The following AMPH variants were observed in gnomAD, a reference collection of about 807,000 sequenced individuals.
AMPH encodes the protein amphiphysin.
Under a neutral mutation model 99.1 loss-of-function variants are expected in AMPH, and 49 were observed. The ratio of observed to expected loss-of-function variants is 0.49; its 90% CI spans 0.39 to 0.63. The LOEUF is 0.63. Ranked by LOEUF, AMPH falls within the 20% of genes least tolerant of loss-of-function variation. The probability of loss-of-function intolerance (pLI) is 0.00; values close to 1 mark genes in which losing one functional copy is unlikely to be tolerated. For synonymous variants in AMPH, 314 were observed against 317.3 expected (o/e 0.99, Z 0.11); for missense variants, 759 against 863.4 (o/e 0.88, Z 1.52).
intron 2 of AMPH, among the ~76,000 whole-genome samples, chr7:38,506,724 G>A (rs1436159567): frequency 6.6e-6 from 1 of 152,138 alleles, no homozygotes; most frequent in Non-Finnish European, 1.5e-5. Context: ...AATTTATTGA[G>A]GTGAAGGGAA....
chr7:38,501,766 C>CAAATAAAT lies in AMPH; in HGVS notation c.205+1876_205+1883dup, dbSNP rs3056240. Reference sequence around the variant, plus strand: ...GAAACTGGTATGTTAAAAAGCATACCAAATAAATAAATAAATAAATAAATA... The same window carrying CAAATAAAT: ...GAAACTGGTATGTTAAAAAGCATACCAAATAAATAAATAAATAAATAAATAAATAAATA... On this transcript the variant is annotated intron_variant, in intron 3 of 20. Transcript: ENST00000356264. Among the ~76,000 whole-genome samples the CAAATAAAT allele has an allele frequency of 1.1e-3, 163 of 148,170 alleles. 1 individual carries two copies. The highest frequency in any genetic ancestry group is 3.5e-3 in the Middle Eastern group (1 of 288).
chr7:38,448,874 T>G (rs1414373867), intron 11 of AMPH, among the ~76,000 whole-genome samples: 2 of 152,352 alleles, frequency 1.3e-5, no homozygotes, highest in East Asian at 3.9e-4. Context: ...GTTTTCCTAC[T>G]TTGTTTTGTT....
intron 5 of AMPH, 27 bp from the exon 6 acceptor site, chr7:38,476,996 G>A (rs753314601): frequency 6.2e-7 from 1 of 1,601,484 alleles, no homozygotes; most frequent in South Asian, 1.1e-5. Flanking sequence ...CACTCACTAA[G>A]AAAGAAGCAT....
chr7:38,623,225 A>C (rs1794131187), intron 1 of AMPH, among the ~76,000 whole-genome samples: 2 of 152,228 alleles, frequency 1.3e-5, no homozygotes, highest in Admixed American at 1.3e-4. Context: ...TTGTTTATAC[A>C]AATATCTCAG....
At position 38,394,078 on chromosome 7, in the gene AMPH, A is replaced by G; in HGVS notation, c.1535T>C (p.Ile512Thr). The change falls in exon 18 of 21, where the codon ATT (isoleucine) becomes ACT (threonine). Residue 512 changes from isoleucine to threonine, a missense_variant. Around this residue, in one of 2 missense-constraint regions of AMPH, gnomAD observed 554 missense variants for 575.6 expected, o/e 0.96. Transcript: ENST00000356264. ...TGCACCCTCAGTGGTTTCAGTTCCAATTTTGGCCTCCTCTAAACTTACTCC... is the reference window on the plus strand; with the variant it reads ...TGCACCCTCAGTGGTTTCAGTTCCAGTTTTGGCCTCCTCTAAACTTACTCC... ...GEGVSLEEAKIGTETTEGAES... is the reference protein window; with the variant it reads ...GEGVSLEEAKTGTETTEGAES... The G allele has an allele frequency of 2.5e-6, 4 of 1,614,002 alleles. No individual in the cohort carries two copies. Among genetic ancestry groups the G allele is most frequent in the Admixed American group, 1.7e-5 (1 of 60,016 alleles).
chr7:38,616,512 G>A (rs1487784634), intron 1 of AMPH, among the ~76,000 whole-genome samples: 1 of 152,110 alleles, frequency 6.6e-6, no homozygotes, highest in Non-Finnish European at 1.5e-5. Flanking sequence ...TAAATAAGTG[G>A]TTTTTTCTAC....
chr7:38,401,438 T>A (rs1306125959), intron 17 of AMPH, among the ~76,000 whole-genome samples: 12 of 152,204 alleles, frequency 7.9e-5, no homozygotes, highest in Admixed American at 5.9e-4. Flanking sequence ...TTGATTTGAG[T>A]CATCTTCCAG....
chr7:38,552,700 A>T (rs1791221476), intron 1 of AMPH, among the ~76,000 whole-genome samples: 1 of 152,160 alleles, frequency 6.6e-6, no homozygotes, highest in Non-Finnish European at 1.5e-5. Flanking sequence ...TCCCTATGTA[A>T]ATAATTCAAT....
intron 13 of AMPH, among the ~76,000 whole-genome samples, chr7:38,430,709 C>T (rs1785980743): frequency 6.6e-6 from 1 of 152,172 alleles, no homozygotes; most frequent in African/African-American, 2.4e-5. Context: ...AACATCAATC[C>T]ATGCATGCCT....
rs151149661 is a variant in AMPH, at chr7:38,554,520, G to T, written c.70-19509C>A. Among the ~76,000 whole-genome samples, 533 of 152,134 alleles carry T rather than the reference G, an allele frequency of 3.5e-3. 2 individuals are homozygous for T. The highest frequency in any genetic ancestry group is 6.5e-3 in the Non-Finnish European group (445 of 68,002). On this transcript the variant is annotated intron_variant, in intron 1 of 20. Coordinates refer to ENST00000356264, the MANE Select transcript of AMPH (RefSeq NM_001635.4). Reference sequence around the variant, plus strand: ...AAATCAAAGATATGCCCAAAGATAAGACTACAAGAATGTTCATTATAAATA... The same window carrying T: ...AAATCAAAGATATGCCCAAAGATAATACTACAAGAATGTTCATTATAAATA...
intron 1 of AMPH, among the ~76,000 whole-genome samples, chr7:38,540,692 C>CAAA (rs373768495): frequency 0.2 from 4,035 of 19,724 alleles, 1,903 homozygotes; most frequent in Non-Finnish European, 0.26. Flanking sequence ...TGACCCCAAG[C>CAAA]AAAAAAAAAA....
intron 20 of AMPH, among the ~76,000 whole-genome samples, chr7:38,387,144 T>C (rs982089137): frequency 3.0e-5 from 4 of 132,490 alleles, no homozygotes; most frequent in African/African-American, 1.0e-4. Flanking sequence ...ATATGTCTGC[T>C]AAAACAAAAA....
intron 1 of AMPH, among the ~76,000 whole-genome samples, chr7:38,569,256 A>G (rs1791855088): frequency 6.6e-6 from 1 of 151,810 alleles, no homozygotes; most frequent in African/African-American, 2.4e-5. Flanking sequence ...ATCTTTTTCT[A>G]CTGTTTAAAA....
intron 1 of AMPH, among the ~76,000 whole-genome samples, chr7:38,613,048 T>A (rs779719820): frequency 6.6e-5 from 10 of 152,022 alleles, no homozygotes; most frequent in Non-Finnish European, 1.2e-4. Flanking sequence ...AACTGCAACC[T>A]TAAAAAAAAA....
intron 7 of AMPH, among the ~76,000 whole-genome samples, chr7:38,471,184 A>T (rs961958615): frequency 6.6e-6 from 1 of 152,142 alleles, no homozygotes; most frequent in Non-Finnish European, 1.5e-5. Flanking sequence ...TATCACTCTG[A>T]CCCTGAGTTA....
intron 5 of AMPH, among the ~76,000 whole-genome samples, chr7:38,487,001 AC>A (rs1788523327): frequency 6.6e-6 from 1 of 152,148 alleles, no homozygotes; most frequent in South Asian, 2.1e-4. Flanking sequence ...AAAGCTTTCC[AC>A]TGACATCAGA....
At chr7:38,465,665 G>C in intron 8 of AMPH, 116 bp from the exon 9 acceptor site, 1 of 873,802 alleles carries the variant, frequency 1.1e-6, no homozygotes, top group Non-Finnish European at 1.8e-6. Context: ...ATGATAGCTT[G>C]GATGGCCTCA....
At chr7:38,491,006 T>G (rs1371380713) in intron 5 of AMPH, 44 bp downstream of exon 5, 3 of 1,286,696 alleles carry the variant, frequency 2.3e-6, no homozygotes, top group Non-Finnish European at 3.4e-6. Context: ...AATAACTACA[T>G]GACCCCACTC....
At chr7:38,505,673 A>G (rs1002370733) in intron 2 of AMPH, among the ~76,000 whole-genome samples, 10 of 152,138 alleles carry the variant, frequency 6.6e-5, no homozygotes, top group Non-Finnish European at 1.0e-4. Context: ...GAGGAAGAGG[A>G]GAATAAAGAG....
Sources: gnomAD v4.1 joint callset for allele counts (sites outside exome capture counted in the v4.1 genomes callset) on GRCh38, gnomAD v4.1.1 for gene constraint, gnomAD v4.1.1 regional missense constraint, MANE v1.5 for transcripts, NCBI Gene and HGNC (gene_info 2026-07-23, HGNC 2026-07-21) for gene names.